The following CTNNA3 variants were observed in gnomAD, a reference collection of about 807,000 sequenced individuals.
The protein encoded by CTNNA3 is catenin alpha 3, also known as catenin alpha-3.
A neutral mutation model predicts 95.7 loss-of-function variants in CTNNA3; 76 were observed. That is an observed-to-expected ratio of 0.79 (90% CI 0.66 to 0.96). The LOEUF is 0.96. CTNNA3 is among the 40% of genes least tolerant of loss of function. CTNNA3 has a pLI of 0.00. For missense variants in CTNNA3, 1,191 were observed against 1,089.8 expected, an observed-to-expected ratio of 1.09 and a Z score of -1.31; for synonymous variants, 431 against 374.4, an observed-to-expected ratio of 1.15 and a Z score of -1.74.
At position 67,210,944 on chromosome 10, in the gene CTNNA3, T is replaced by C. The variant is rs550215065; in HGVS notation, c.843+8663A>G. On this transcript the variant is annotated intron_variant, in intron 6 of 17. Transcript: ENST00000433211. ...GTTAACGCTAAACTAACCCTAAAAC[T>C]AAACATCATCAAGGAATCGGCATCC... Among the ~76,000 whole-genome samples the C allele has an allele frequency of 2.7e-3, 407 of 152,220 alleles. 1 individual carries two copies. Among genetic ancestry groups the C allele is most frequent in the African/African-American group, 9.1e-3 (376 of 41,540 alleles).
chr10:66,477,387 T>G (rs182259262), intron 11 of CTNNA3, among the ~76,000 whole-genome samples: 1 of 152,050 alleles, frequency 6.6e-6, no homozygotes, highest in East Asian at 1.9e-4. Flanking sequence ...ACAGAAGGGG[T>G]TGTTTTTGAC....
chr10:66,493,762 T>C (rs1036559260), intron 11 of CTNNA3, among the ~76,000 whole-genome samples: 13 of 151,040 alleles, frequency 8.6e-5, no homozygotes, highest in Non-Finnish European at 1.9e-4. Context: ...CCCACCACCA[T>C]GCCCGGCTAA....
intron 5 of CTNNA3, among the ~76,000 whole-genome samples, chr10:67,377,158 C>G (rs1843723803): frequency 6.6e-6 from 1 of 152,168 alleles, no homozygotes; most frequent in Admixed American, 6.5e-5. Context: ...CCCTGCTAAA[C>G]TTTATGTAAT....
At chr10:67,730,986 A>T (rs1841270512) in intron 1 of CTNNA3, among the ~76,000 whole-genome samples, 1 of 152,174 alleles carries the variant, frequency 6.6e-6, no homozygotes, top group Admixed American at 6.5e-5. Flanking sequence ...ATTATCACAT[A>T]CTTTAAAAGA....
intron 7 of CTNNA3, among the ~76,000 whole-genome samples, chr10:66,932,125 C>T (rs1847434624): frequency 6.6e-6 from 1 of 152,134 alleles, no homozygotes; most frequent in South Asian, 2.1e-4. Flanking sequence ...CCCTTTTCAG[C>T]CAGCTGAACA....
intron 3 of CTNNA3, among the ~76,000 whole-genome samples, chr10:67,552,355 C>T (rs987677314): frequency 1.4e-4 from 22 of 152,122 alleles, no homozygotes; most frequent in African/African-American, 5.3e-4. Context: ...TCATGCAATA[C>T]TATTTTTTTT....
chr10:66,949,413 C>A (rs1297846465), intron 7 of CTNNA3, among the ~76,000 whole-genome samples: 1 of 152,028 alleles, frequency 6.6e-6, no homozygotes, highest in Non-Finnish European at 1.5e-5. Flanking sequence ...ACAAAATTAG[C>A]CTGGCGTGTT....
intron 7 of CTNNA3, chr10:67,097,590 C>A (rs1251142514): frequency 1.9e-6 from 3 of 1,611,892 alleles, no homozygotes; most frequent in Non-Finnish European, 8.5e-7. Flanking sequence ...TCCCCAGATA[C>A]CTTTATCAAT....
chr10:66,767,249 C>G (rs1294521959), intron 8 of CTNNA3, among the ~76,000 whole-genome samples: 1 of 151,964 alleles, frequency 6.6e-6, no homozygotes, highest in African/African-American at 2.4e-5. Flanking sequence ...AGTTCGAGAA[C>G]AGCCTGGCCA....
At chr10:67,233,810 T>A (rs1435863559) in intron 5 of CTNNA3, among the ~76,000 whole-genome samples, 1 of 151,634 alleles carries the variant, frequency 6.6e-6, no homozygotes, top group Non-Finnish European at 1.5e-5. Context: ...ATAGATGCAA[T>A]AAAAAATGAT....
At chr10:66,235,455 T>C (rs942718693) in intron 13 of CTNNA3, among the ~76,000 whole-genome samples, 3 of 151,452 alleles carry the variant, frequency 2.0e-5, no homozygotes, top group African/African-American at 7.3e-5. Flanking sequence ...TCCTGATATA[T>C]AAAATAAATT....
At chr10:66,646,693 A>C (rs910952903) in intron 9 of CTNNA3, among the ~76,000 whole-genome samples, 1 of 152,206 alleles carries the variant, frequency 6.6e-6, no homozygotes, top group Non-Finnish European at 1.5e-5. Flanking sequence ...ACAGAGCAGC[A>C]ACCTGAGCTT....
chr10:65,918,654 G>T lies in CTNNA3; in HGVS notation c.*1676C>A, dbSNP rs1384164731. The T allele has an allele frequency of 6.6e-6, 1 of 152,092 alleles. No homozygotes were observed. The highest frequency in any genetic ancestry group is 1.5e-5 in the Non-Finnish European group (1 of 67,994). 9.4% of individuals were successfully genotyped at this position (152,092 alleles called of 1,614,324 possible). On this transcript the variant is annotated 3_prime_UTR_variant, in exon 18 of 18. Transcript: ENST00000433211. ...GCCAGTCTATGGTGCAAAACAGGGAGGAGTTTATTGCCTTCACCTCCTAGG... is the reference window on the plus strand; with the variant it reads ...GCCAGTCTATGGTGCAAAACAGGGATGAGTTTATTGCCTTCACCTCCTAGG...
At chr10:66,063,678 TTGC>T (rs995267119) in intron 15 of CTNNA3, among the ~76,000 whole-genome samples, 2 of 152,092 alleles carry the variant, frequency 1.3e-5, no homozygotes, top group Non-Finnish European at 2.9e-5. Flanking sequence ...TATAATGCTA[TTGC>T]TTTTTTATAT....
intron 11 of CTNNA3, among the ~76,000 whole-genome samples, chr10:66,452,854 T>C (rs1412296931): frequency 6.6e-6 from 1 of 152,038 alleles, no homozygotes; most frequent in Non-Finnish European, 1.5e-5. Flanking sequence ...GCCTATAATT[T>C]CATCCCTGAC....
intron 16 of CTNNA3, among the ~76,000 whole-genome samples, chr10:65,980,297 G>C (rs2078291493): frequency 1.3e-5 from 2 of 151,774 alleles, no homozygotes; most frequent in South Asian, 4.1e-4. Context: ...ACTCTGAACA[G>C]GTCAATAATA....
intron 13 of CTNNA3, among the ~76,000 whole-genome samples, chr10:66,139,420 C>T (rs2083503144): frequency 6.6e-6 from 1 of 152,118 alleles, no homozygotes; most frequent in Non-Finnish European, 1.5e-5. Flanking sequence ...CATGTACTGC[C>T]TTGGATTTTT....
chr10:66,376,997 A>G (rs2092800823), intron 12 of CTNNA3, among the ~76,000 whole-genome samples: 1 of 152,172 alleles, frequency 6.6e-6, no homozygotes, highest in African/African-American at 2.4e-5. Flanking sequence ...CACATTTTTC[A>G]GCTTTGGTTA....
At chr10:66,661,160 C>A (rs888670908) in intron 9 of CTNNA3, among the ~76,000 whole-genome samples, 8 of 152,036 alleles carry the variant, frequency 5.3e-5, no homozygotes, top group Admixed American at 3.9e-4. Flanking sequence ...TTCATTCTGC[C>A]AATTTTAGAA....
Sources: allele counts gnomAD v4.1 joint callset (sites outside exome capture counted in the v4.1 genomes callset), GRCh38; gene constraint gnomAD v4.1.1; transcripts MANE v1.5; gene names NCBI Gene and HGNC (gene_info 2026-07-23, HGNC 2026-07-21).